The following ANO1 variants were observed in gnomAD, a reference collection of about 807,000 sequenced individuals.
ANO1 encodes anoctamin-1.
In ANO1, 59 loss-of-function variants were observed where a neutral mutation model predicts 124.0. That is an observed-to-expected ratio of 0.48 (90% CI 0.39 to 0.59). The LOEUF (loss-of-function observed/expected upper bound fraction) is 0.59. Ranked by LOEUF, ANO1 falls within the 20% of genes least tolerant of loss-of-function variation. The pLI, the probability that ANO1 is intolerant of heterozygous loss-of-function variation, is 0.00. For missense variants in ANO1, 1,059 were observed against 1,328.0 expected (o/e 0.80, Z 3.15); for synonymous variants, 529 against 532.0 (o/e 0.99, Z 0.08).
In ANO1 at chr11:70,153,169, C is replaced by T. The variant is rs191315049; in HGVS notation, c.1425+41C>T. On this transcript the variant is annotated intron_variant, in intron 14 of 25. Coordinates refer to ENST00000355303, the MANE Select transcript of ANO1 (RefSeq NM_018043.7). Reference sequence around the variant, plus strand: ...TGGGTTAACTTTCCCAGCAATAAAACACTGTGTTCATCAACCATGTAGACC... The same window carrying T: ...TGGGTTAACTTTCCCAGCAATAAAATACTGTGTTCATCAACCATGTAGACC... 7.6e-5 allele frequency: 113 copies of T among 1,495,510 alleles called. 1 individual carries two copies. In the East Asian group the frequency reaches 2.4e-3, roughly 32 times the overall value. 92.6% of individuals were successfully genotyped at this position (1,495,510 alleles called of 1,614,324 possible).
chr11:70,133,515 G>A (rs1192890948), intron 11 of ANO1, among the ~76,000 whole-genome samples: 2 of 152,206 alleles, frequency 1.3e-5, no homozygotes, highest in Non-Finnish European at 2.9e-5. Context: ...GTTGGGCAGA[G>A]AGGGACTGAA....
chr11:70,036,087 G>T (rs555234858), intron 1 of ANO1, among the ~76,000 whole-genome samples: 1 of 152,110 alleles, frequency 6.6e-6, no homozygotes, highest in African/African-American at 2.4e-5. Context: ...CCATCAACTG[G>T]GGGCCTTCAG....
In ANO1 at chr11:70,108,707, C is replaced by T. The variant is rs559239268; in HGVS notation, c.799+303C>T. On this transcript the variant is annotated intron_variant, in intron 6 of 25. Coordinates refer to ENST00000355303, the MANE Select transcript of ANO1 (RefSeq NM_018043.7). ...GAAACAGACCAGTGTTAGGGATGACCGGGGGATTCCTGGCCCTCTCTTGAC... is the reference window on the plus strand; with the variant it reads ...GAAACAGACCAGTGTTAGGGATGACTGGGGGATTCCTGGCCCTCTCTTGAC... Among the ~76,000 whole-genome samples the T allele has an allele frequency of 6.6e-5, 10 of 152,252 alleles. No individual in the cohort carries two copies. The East Asian group carries it at 1.5e-3, about 24-fold the overall frequency.
At chr11:70,126,592 G>A (rs556525467) in intron 10 of ANO1, among the ~76,000 whole-genome samples, 30 of 152,220 alleles carry the variant, frequency 2.0e-4, no homozygotes, top group Admixed American at 5.2e-4. Context: ...TGGTACTTGC[G>A]GGAGGTGAGA....
At chr11:70,124,582 G>A (rs950328790) in intron 9 of ANO1, among the ~76,000 whole-genome samples, 168 bp downstream of exon 9, 2 of 152,290 alleles carry the variant, frequency 1.3e-5, no homozygotes, top group Admixed American at 6.5e-5. Context: ...TGAGAGCCTG[G>A]GCCAGCATTA....
intron 22 of ANO1, 69 bp downstream of exon 22, chr11:70,171,108 T>C: frequency 6.5e-7 from 1 of 1,544,322 alleles, no homozygotes; most frequent in South Asian, 1.2e-5. Flanking sequence ...GGGTTGCTCC[T>C]CTCCAGAAGC....
chr11:70,160,328 A>G (rs191330555), intron 16 of ANO1, among the ~76,000 whole-genome samples: 9 of 152,030 alleles, frequency 5.9e-5, no homozygotes, highest in African/African-American at 2.2e-4. Context: ...ATGAGGGCTC[A>G]GAATGGGGCA....
intron 22 of ANO1, among the ~76,000 whole-genome samples, chr11:70,173,000 C>A (rs1392341732): frequency 6.6e-6 from 1 of 151,948 alleles, no homozygotes; most frequent in Non-Finnish European, 1.5e-5. Flanking sequence ...AAGTTGTTAG[C>A]GGTTCTGGCT....
At chr11:69,966,468 C>T in the ANO1 span, among the ~76,000 whole-genome samples, 11 of 152,228 alleles carry the variant, frequency 7.2e-5, no homozygotes, top group African/African-American at 2.2e-4. Context: ...GCCCCCGCCA[C>T]GCCACCTCAC....
upstream of ANO1, among the ~76,000 whole-genome samples, chr11:69,983,516 G>T (rs1855975973): frequency 6.6e-6 from 1 of 152,190 alleles, no homozygotes; most frequent in Admixed American, 6.5e-5. Context: ...AGGGTGTCGG[G>T]GAGGCCCTCA....
At chr11:70,085,996 C>G (rs1400658278) in intron 1 of ANO1, among the ~76,000 whole-genome samples, 1 of 152,264 alleles carries the variant, frequency 6.6e-6, no homozygotes, top group African/African-American at 2.4e-5. Flanking sequence ...AAGCACAGCT[C>G]TGTCCAAAGG....
At chr11:70,059,899 C>T (rs1393126623) in intron 1 of ANO1, among the ~76,000 whole-genome samples, 6 of 149,486 alleles carry the variant, frequency 4.0e-5, no homozygotes, top group African/African-American at 1.5e-4. Context: ...AAGAAAAATA[C>T]TGGCCTTCTG....
At chr11:70,015,743 C>T (rs1856692050) in intron 1 of ANO1, 1 of 152,414 alleles carries the variant, frequency 6.6e-6, no homozygotes, top group African/African-American at 2.4e-5. Flanking sequence ...GATGGGAGCA[C>T]CCAGGGACTG....
chr11:70,005,272 C>T (rs977237958), intron 1 of ANO1, among the ~76,000 whole-genome samples: 4 of 152,146 alleles, frequency 2.6e-5, no homozygotes, highest in African/African-American at 7.2e-5. Flanking sequence ...ATATCATTTT[C>T]ATTATTTTAC....
Position 69,994,024 on chromosome 11 carries a change from C to T in ANO1, c.58+7858C>T, listed in dbSNP as rs117786476. Among the ~76,000 whole-genome samples, 9 of 152,108 alleles carry T rather than the reference C, an allele frequency of 5.9e-5. No individual in the cohort carries two copies. The East Asian group carries it at 1.6e-3, about 26-fold the overall frequency. On this transcript the variant is annotated intron_variant, in intron 1 of 27. Transcript: ENST00000531349. ...TGAGGAGTTGGTCAGTGTCACTCCC[C>T]CTGCACTTGATCAAGTTCCAAAAGG...
chr11:69,984,937 T>G (rs1554996703), upstream of ANO1, among the ~76,000 whole-genome samples: 1 of 152,166 alleles, frequency 6.6e-6, no homozygotes, highest in Non-Finnish European at 1.5e-5. Flanking sequence ...GCCTGAGAAT[T>G]TATGGTATTT....
intron 1 of ANO1, among the ~76,000 whole-genome samples, chr11:69,991,048 T>A (rs1554997412): frequency 1.3e-5 from 2 of 152,226 alleles, no homozygotes; most frequent in East Asian, 3.8e-4. Flanking sequence ...AAATTCAAGG[T>A]TGCAATGATC....
At chr11:69,996,021 G>A (rs1856265000) in intron 1 of ANO1, among the ~76,000 whole-genome samples, 2 of 152,218 alleles carry the variant, frequency 1.3e-5, no homozygotes, top group South Asian at 2.1e-4. Context: ...TGAGACAGGA[G>A]AATCGCTTGA....
intron 11 of ANO1, among the ~76,000 whole-genome samples, chr11:70,133,785 T>C (rs1590822776): frequency 6.6e-6 from 1 of 152,196 alleles, no homozygotes; most frequent in South Asian, 2.1e-4. Context: ...TGGCTGAGCC[T>C]GTGTGGTTTG....
Sources: gnomAD v4.1 joint callset for allele counts (sites outside exome capture counted in the v4.1 genomes callset) on GRCh38, gnomAD v4.1.1 for gene constraint, MANE v1.5 for transcripts, NCBI Gene and HGNC (gene_info 2026-07-23, HGNC 2026-07-21) for gene names.